The following ATXN10 variants were observed in gnomAD, a reference collection of about 807,000 sequenced individuals.
The protein encoded by ATXN10 is ataxin 10, also known as ataxin-10.
ATXN10 carries 28 observed loss-of-function variants against 52.9 expected under a neutral mutation model. That is an observed-to-expected ratio of 0.53 (90% confidence interval 0.39 to 0.73). The LOEUF (loss-of-function observed/expected upper bound fraction) is 0.73. ATXN10 is among the 30% of genes least tolerant of loss of function. ATXN10 has a pLI of 0.00. For missense variants in ATXN10, 565 were observed against 577.0 expected (o/e 0.98, Z 0.21); for synonymous variants, 226 against 221.5 (o/e 1.02, Z -0.18).
rs905660825 is a variant in ATXN10, at chr22:45,828,026, C to A, written c.1238-14965C>A. On this transcript the variant is annotated intron_variant, in intron 10 of 11. Coordinates refer to ENST00000252934, the MANE Select transcript of ATXN10 (RefSeq NM_013236.4). This position sits in a 1 kb window ranked among gnomAD's most constrained non-coding sequence, Gnocchi z 4.5. ...AAAAACATACTGTTAACCAGTAGAT[C>A]AAAGAAGAAATCACAAGGGAAATTA... Among the ~76,000 whole-genome samples, 2 of 151,892 alleles carry A rather than the reference C, an allele frequency of 1.3e-5. No homozygotes were observed. The highest frequency in any genetic ancestry group is 2.9e-5 in the Non-Finnish European group (2 of 67,970).
intron 3 of ATXN10, among the ~76,000 whole-genome samples, chr22:45,698,266 C>T (rs778536384): frequency 6.6e-6 from 1 of 152,176 alleles, no homozygotes; most frequent in Non-Finnish European, 1.5e-5. Flanking sequence ...CGACACCATA[C>T]GAATGTTCCC....
intron 7 of ATXN10, 85 bp downstream of exon 7, chr22:45,729,675 T>C: frequency 3.6e-6 from 5 of 1,382,016 alleles, no homozygotes; most frequent in Non-Finnish European, 5.1e-6. Flanking sequence ...AGAATTCTTT[T>C]TTAAAAGCTT....
chr22:45,725,030 C>T (rs1601607936), intron 6 of ATXN10, among the ~76,000 whole-genome samples: 1 of 152,076 alleles, frequency 6.6e-6, no homozygotes, highest in East Asian at 1.9e-4. Flanking sequence ...AGCTTTATAT[C>T]AGTACAATCC....
chr22:45,783,263 C>T lies in ATXN10; in HGVS notation c.1174-23696C>T, dbSNP rs1350763336. Reference sequence around the variant, plus strand: ...TGTGCTGGACAAGGGAGGATTCAAGCCCTGGGAGGGATGGTGAGAGATTTT... The same window carrying T: ...TGTGCTGGACAAGGGAGGATTCAAGTCCTGGGAGGGATGGTGAGAGATTTT... On this transcript the variant is annotated intron_variant, in intron 9 of 11. Transcript: ENST00000252934. The surrounding 1 kb of genome is among the most constrained non-coding windows in gnomAD (Gnocchi z 5.0). Among the ~76,000 whole-genome samples the T allele has an allele frequency of 1.3e-5, 2 of 152,116 alleles. No individual in the cohort carries two copies. Among genetic ancestry groups the T allele is most frequent in the African/African-American group, 2.4e-5 (1 of 41,416 alleles).
rs528669630 is a variant in ATXN10 at position 45,785,924 on chromosome 22, C to G, written c.1174-21035C>G. The stretch of plus-strand genomic sequence containing the variant: ...TTTCTGACATCTAGCTCTAAGGTTT[C>G]TGGTTGTTTTGGACAAAGCAGACAA... On this transcript the variant is annotated intron_variant, in intron 9 of 11. Transcript: ENST00000252934. Among the ~76,000 whole-genome samples, 23 of 152,346 alleles carry G rather than the reference C, an allele frequency of 1.5e-4. No homozygotes were observed. In the East Asian group the frequency reaches 4.4e-3, roughly 29 times the overall value.
chr22:45,787,845 C>A lies in ATXN10; in HGVS notation c.1174-19114C>A, dbSNP rs190983561. ...GATCACTGTAACTTTTAAAGAAAAT[C>A]TTGTGCAATTTCAGTTACTGATGAT... On this transcript the variant is annotated intron_variant, in intron 9 of 11. Transcript: ENST00000252934. The surrounding 1 kb of genome is among the most constrained non-coding windows in gnomAD (Gnocchi z 4.2). 4.0e-4 allele frequency among the ~76,000 whole-genome samples: 61 copies of A among 152,304 alleles called. No homozygotes were observed. The highest frequency in any genetic ancestry group is 1.3e-3 in the African/African-American group (52 of 41,580).
Position 45,672,138 on chromosome 22 carries a change from C to A in ATXN10, c.75C>A (p.Ala25=). ...CGGCGCCCATCCAAGACCTGGAGGC[C>A]CTGCGCGCGCTCACGGCGCTCTTCA... ...MVPAPIQDLE[A]LRALTALFKE... The change falls in exon 1 of 12, where the codon GCC becomes GCA. Residue 25 remains alanine (A), a synonymous_variant. Transcript: ENST00000252934. The A allele has an allele frequency of 6.5e-7, 1 of 1,540,226 alleles. No homozygotes were observed. Among genetic ancestry groups the A allele is most frequent in the Non-Finnish European group, 8.7e-7 (1 of 1,145,450 alleles).
At chr22:45,801,670 A>G (rs1246696488) in intron 9 of ATXN10, among the ~76,000 whole-genome samples, 1 of 152,154 alleles carries the variant, frequency 6.6e-6, no homozygotes, top group Admixed American at 6.5e-5. Context: ...TATCTACCAA[A>G]TTTCTTATGA....
chr22:45,672,118 CCCA>C lies in ATXN10; in HGVS notation c.56_58del (p.Pro19_Ile20delinsLeu). Reference sequence around the variant, plus strand: ...GCTGTCGGGCGTCATGGTGCCGGCGCCCATCCAAGACCTGGAGGCCCTGCGCGC... The same window carrying C: ...GCTGTCGGGCGTCATGGTGCCGGCGCTCCAAGACCTGGAGGCCCTGCGCGC... On this transcript the variant is annotated inframe_deletion, in exon 1 of 12. Coordinates refer to ENST00000252934, the MANE Select transcript of ATXN10 (RefSeq NM_013236.4). The C allele has an allele frequency of 6.5e-7, 1 of 1,540,422 alleles. No homozygotes were observed. Among genetic ancestry groups the C allele is most frequent in the Non-Finnish European group, 8.7e-7 (1 of 1,145,702 alleles).
intron 10 of ATXN10, among the ~76,000 whole-genome samples, chr22:45,807,415 T>C (rs967625528): frequency 6.6e-5 from 10 of 152,174 alleles, no homozygotes; most frequent in African/African-American, 2.4e-4. Context: ...ACCCAGTCTT[T>C]TGGAAGTACT....
intron 9 of ATXN10, among the ~76,000 whole-genome samples, chr22:45,773,258 A>G (rs1601637084): frequency 1.3e-5 from 2 of 152,180 alleles, no homozygotes; most frequent in Admixed American, 6.5e-5. Context: ...GATTCTCTAC[A>G]TAAACAATCA....
rs960327216 is a variant in ATXN10, at chr22:45,757,326, A to G, written c.1173+16788A>G. ...CCCACACAAAACAAAAATGCCTCAG[A>G]GCTTCAGTGTAACTGGAGCAATACC... On this transcript the variant is annotated intron_variant, in intron 9 of 11. Transcript: ENST00000252934. The surrounding 1 kb of genome is among the most constrained non-coding windows in gnomAD (Gnocchi z 4.6). Among the ~76,000 whole-genome samples the G allele has an allele frequency of 2.0e-5, 3 of 152,192 alleles. No individual in the cohort carries two copies. Among genetic ancestry groups the G allele is most frequent in the African/African-American group, 7.2e-5 (3 of 41,464 alleles).
chr22:45,681,401 C>CA lies in ATXN10; in HGVS notation c.117-8309dup, dbSNP rs1377921384. Among the ~76,000 whole-genome samples, 2 of 152,158 alleles carry CA rather than the reference C, an allele frequency of 1.3e-5. No homozygotes were observed. The highest frequency in any genetic ancestry group is 6.5e-5 in the Admixed American group (1 of 15,278). Reference sequence around the variant, plus strand: ...CTTCTCTTTAGGGCCCTTGCTTCATCAAGTCTTTAACCTCACCAGGACCTA... The same window carrying CA: ...CTTCTCTTTAGGGCCCTTGCTTCATCAAAGTCTTTAACCTCACCAGGACCTA... On this transcript the variant is annotated intron_variant, in intron 1 of 11. Coordinates refer to ENST00000252934, the MANE Select transcript of ATXN10 (RefSeq NM_013236.4). The surrounding 1 kb of genome is among the most constrained non-coding windows in gnomAD (Gnocchi z 4.2).
chr22:45,836,781 C>T (rs1347544075), intron 10 of ATXN10, among the ~76,000 whole-genome samples: 7 of 152,226 alleles, frequency 4.6e-5, no homozygotes. Flanking sequence ...TACTACTTTG[C>T]ACTCTAAAAA....
chr22:45,717,631 A>G (rs910581546), intron 5 of ATXN10, among the ~76,000 whole-genome samples: 1 of 152,174 alleles, frequency 6.6e-6, no homozygotes, highest in African/African-American at 2.4e-5. Context: ...AGTAGTTAAT[A>G]TGCTTCATTT....
At chr22:45,760,086 C>T (rs1010054006) in intron 9 of ATXN10, among the ~76,000 whole-genome samples, 18 of 152,314 alleles carry the variant, frequency 1.2e-4, no homozygotes, top group Non-Finnish European at 1.0e-4. Flanking sequence ...GCTAATTCCA[C>T]AACGTGGAAC....
intron 7 of ATXN10, among the ~76,000 whole-genome samples, chr22:45,730,949 C>T (rs144562306): frequency 1.1e-4 from 17 of 152,290 alleles, no homozygotes; most frequent in Admixed American, 6.5e-4. Flanking sequence ...TAGGAGATTC[C>T]TAGTGGTATA....
At position 45,683,133 on chromosome 22, in the gene ATXN10, A is replaced by G. The variant is rs1447094775; in HGVS notation, c.117-6579A>G. On this transcript the variant is annotated intron_variant, in intron 1 of 11. Coordinates refer to ENST00000252934, the MANE Select transcript of ATXN10 (RefSeq NM_013236.4). The surrounding 1 kb of genome is among the most constrained non-coding windows in gnomAD (Gnocchi z 4.8). ...CAGGAGTTTGAGACCAGCCTGGCCA[A>G]CATGGTGAAACCCCATCTCTACTAA... 6.6e-6 allele frequency among the ~76,000 whole-genome samples: 1 copy of G among 152,334 alleles called. No homozygotes were observed. The highest frequency in any genetic ancestry group is 1.9e-4 in the East Asian group (1 of 5,182).
chr22:45,700,457 A>G lies in ATXN10; in HGVS notation c.488+79A>G, dbSNP rs560671408. 200 of 1,227,996 alleles carry G rather than the reference A, an allele frequency of 1.6e-4. 1 individual carries two copies. The South Asian group carries it at 2.4e-3, about 15-fold the overall frequency. The allele number at this position is 1,227,996 out of a possible 1,614,324, so 76.1% of individuals were successfully genotyped here. On this transcript the variant is annotated intron_variant, in intron 4 of 11. Coordinates refer to ENST00000252934, the MANE Select transcript of ATXN10 (RefSeq NM_013236.4). ...TTTCCATTTTATATAAAGTTCGAAA[A>G]CAGGAAAAAGTAACCCACTGTAATA...
Sources: allele counts gnomAD v4.1 joint callset (sites outside exome capture counted in the v4.1 genomes callset), GRCh38; gene constraint gnomAD v4.1.1; non-coding constraint Gnocchi (gnomAD v3.1); transcripts MANE v1.5; gene names NCBI Gene and HGNC (gene_info 2026-07-23, HGNC 2026-07-21).